PTPRD: variants seen among roughly 807,000 people sequenced by gnomAD.
PTPRD encodes protein tyrosine phosphatase receptor type D, also known as receptor-type tyrosine-protein phosphatase delta.
A neutral mutation model predicts 214.5 loss-of-function variants in PTPRD; 34 were observed. That is an observed-to-expected ratio of 0.16 (90% CI 0.12 to 0.21). The LOEUF (loss-of-function observed/expected upper bound fraction) is 0.21, where lower values mean the gene tolerates loss of function less well. Among genes scored for constraint, PTPRD ranks in the 10% least tolerant of loss-of-function variants. The pLI, the probability that PTPRD is intolerant of heterozygous loss-of-function variation, is 1.00. For missense variants in PTPRD, 2,545 were observed against 2,398.7 expected (o/e 1.06, Z -1.27); for synonymous variants, 1,128 against 845.7 (o/e 1.33, Z -5.79).
At chr9:10,591,181 C>A (rs1201449757) in intron 2 of PTPRD, among the ~76,000 whole-genome samples, 2 of 151,904 alleles carry the variant, frequency 1.3e-5, no homozygotes, top group African/African-American at 2.4e-5. Context: ...CTACTGAGGT[C>A]ATAAAAGGCA....
At chr9:9,364,243 T>C (rs2057202618) in intron 9 of PTPRD, among the ~76,000 whole-genome samples, 1 of 151,338 alleles carries the variant, frequency 6.6e-6, no homozygotes, top group African/African-American at 2.4e-5. Flanking sequence ...AAAGTCTGTG[T>C]AGAAGTATTC....
chr9:8,633,378 T>A lies in PTPRD; in HGVS notation c.291A>T (p.Glu97Asp), dbSNP rs1299480219. Reference sequence around the variant, plus strand: ...CTCCCACATTATTTGAGGCCACACATTCATAAATGGCCTCATCCCTCGGAG... The same window carrying A: ...CTCCCACATTATTTGAGGCCACACAATCATAAATGGCCTCATCCCTCGGAG... ...LRTPRDEAIYECVASNNVGEI... is the reference protein window; with the variant it reads ...LRTPRDEAIYDCVASNNVGEI... The change falls in exon 14 of 46, where the codon GAA becomes GAT. Residue 97 changes from glutamate (E) to aspartate (D), a missense_variant. Glu to Asp is a conservative substitution (Grantham distance 45). Coordinates refer to ENST00000381196, the MANE Select transcript of PTPRD (RefSeq NM_002839.4). 1 of 1,612,884 alleles carries A rather than the reference T, an allele frequency of 6.2e-7. No individual in the cohort carries two copies. Among genetic ancestry groups the A allele is most frequent in the Admixed American group, 1.7e-5 (1 of 59,926 alleles).
intron 8 of PTPRD, among the ~76,000 whole-genome samples, chr9:9,431,569 A>T (rs555347779): frequency 6.6e-6 from 1 of 152,276 alleles, no homozygotes; most frequent in South Asian, 2.1e-4. Context: ...TACCCAAAGG[A>T]TTATAAATCA....
intron 9 of PTPRD, among the ~76,000 whole-genome samples, chr9:9,337,856 G>T (rs1336786838): frequency 6.6e-6 from 1 of 152,136 alleles, no homozygotes; most frequent in African/African-American, 2.4e-5. Context: ...CACACTTTGT[G>T]CTTCTACCCC....
chr9:9,429,463 A>G (rs757120035), intron 8 of PTPRD, among the ~76,000 whole-genome samples: 1 of 152,196 alleles, frequency 6.6e-6, no homozygotes, highest in Non-Finnish European at 1.5e-5. Context: ...GCTGAATTCT[A>G]TCAGAGGTAC....
chr9:9,242,447 C>G (rs1049732953), intron 9 of PTPRD, among the ~76,000 whole-genome samples: 2 of 152,186 alleles, frequency 1.3e-5, no homozygotes, highest in African/African-American at 2.4e-5. Context: ...TGTTTTCCAA[C>G]TTGGTTCCAT....
intron 14 of PTPRD, among the ~76,000 whole-genome samples, chr9:8,579,681 G>A (rs957207242): frequency 6.6e-6 from 1 of 152,198 alleles, no homozygotes; most frequent in Non-Finnish European, 1.5e-5. Flanking sequence ...TCAAAGTAGG[G>A]TATTGACCAG....
intron 11 of PTPRD, among the ~76,000 whole-genome samples, chr9:8,956,773 A>C (rs1007751334): frequency 1.3e-5 from 2 of 151,816 alleles, no homozygotes; most frequent in Admixed American, 6.6e-5. Flanking sequence ...CTGCAATAGG[A>C]GAGGATTTTC....
At chr9:9,268,723 T>C (rs1421728378) in intron 9 of PTPRD, among the ~76,000 whole-genome samples, 1 of 150,454 alleles carries the variant, frequency 6.6e-6, no homozygotes, top group Non-Finnish European at 1.5e-5. Context: ...CATCAACTCA[T>C]CTTCAATGAA....
intron 8 of PTPRD, among the ~76,000 whole-genome samples, chr9:9,490,637 A>C (rs1269885079): frequency 6.6e-6 from 1 of 152,014 alleles, no homozygotes; most frequent in Non-Finnish European, 1.5e-5. Flanking sequence ...TATGTCATGA[A>C]GTTAAGCTGG....
At chr9:10,554,669 TG>T (rs2062071825) in intron 2 of PTPRD, among the ~76,000 whole-genome samples, 1 of 152,200 alleles carries the variant, frequency 6.6e-6, no homozygotes, top group Non-Finnish European at 1.5e-5. Flanking sequence ...TTTTTGTTTT[TG>T]TTTTTTTCAA....
intron 11 of PTPRD, among the ~76,000 whole-genome samples, chr9:8,749,609 A>T (rs150532841): frequency 9.4e-4 from 143 of 152,368 alleles, no homozygotes; most frequent in African/African-American, 2.7e-3. Context: ...TATAACACAT[A>T]GAGAAGACAC....
At chr9:8,487,696 G>T (rs1171520409) in intron 27 of PTPRD, among the ~76,000 whole-genome samples, 1 of 152,128 alleles carries the variant, frequency 6.6e-6, no homozygotes, top group African/African-American at 2.4e-5. Flanking sequence ...TGTAATCCCA[G>T]CTACTCGGGA....
At chr9:9,851,442 G>C (rs183551983) in intron 5 of PTPRD, among the ~76,000 whole-genome samples, 2 of 152,140 alleles carry the variant, frequency 1.3e-5, no homozygotes, top group Non-Finnish European at 2.9e-5. Flanking sequence ...TTTAAATATT[G>C]CCTCTTTTTG....
chr9:9,648,918 A>G (rs1564301703), intron 7 of PTPRD, among the ~76,000 whole-genome samples: 1 of 152,266 alleles, frequency 6.6e-6, no homozygotes, highest in South Asian at 2.1e-4. Flanking sequence ...CAAAGTATAG[A>G]TAACAACAGT....
At chr9:9,564,394 G>C (rs1446112118) in intron 8 of PTPRD, among the ~76,000 whole-genome samples, 1 of 151,956 alleles carries the variant, frequency 6.6e-6, no homozygotes, top group Non-Finnish European at 1.5e-5. Context: ...AATCTCCCTG[G>C]CATAACAGAG....
At chr9:9,562,301 TCTA>T (rs2083174491) in intron 8 of PTPRD, among the ~76,000 whole-genome samples, 1 of 152,198 alleles carries the variant, frequency 6.6e-6, no homozygotes, top group Non-Finnish European at 1.5e-5. Flanking sequence ...AGAAAATTTA[TCTA>T]AATTCTTTTC....
intron 24 of PTPRD, 41 bp downstream of exon 24, chr9:8,500,713 G>A (rs781284914): frequency 1.3e-6 from 2 of 1,592,408 alleles, no homozygotes; most frequent in South Asian, 1.1e-5. Flanking sequence ...GATCAAGACT[G>A]TGTCAGAAGG....
intron 11 of PTPRD, among the ~76,000 whole-genome samples, chr9:8,786,668 G>T (rs1042154925): frequency 7.3e-5 from 11 of 151,304 alleles, no homozygotes; most frequent in African/African-American, 2.7e-4. Context: ...ACCCGCCTCG[G>T]CATCCTAAAG....
Sources: allele counts gnomAD v4.1 joint callset (sites outside exome capture counted in the v4.1 genomes callset), GRCh38; gene constraint gnomAD v4.1.1; transcripts MANE v1.5; gene names NCBI Gene and HGNC (gene_info 2026-07-23, HGNC 2026-07-21).